The following BDP1 variants were observed in gnomAD, a reference collection of about 807,000 sequenced individuals.
BDP1 encodes transcription factor TFIIIB component B'' homolog.
A neutral mutation model predicts 266.6 loss-of-function variants in BDP1; 169 were observed. That is an observed-to-expected ratio of 0.63 (90% confidence interval 0.56 to 0.72). BDP1 has a LOEUF of 0.72. Among genes scored for constraint, BDP1 ranks in the 30% least tolerant of loss-of-function variants. The pLI, the probability that BDP1 is intolerant of heterozygous loss-of-function variation, is 0.00. For synonymous variants in BDP1, 1,090 were observed against 1,022.4 expected, an observed-to-expected ratio of 1.07 and a Z score of -1.26; for missense variants, 3,015 against 3,053.8, an observed-to-expected ratio of 0.99 and a Z score of 0.30.
At chr5:71,478,659 A>ATT (rs200511042) in intron 7 of BDP1, among the ~76,000 whole-genome samples, 1 of 145,902 alleles carries the variant, frequency 6.9e-6, no homozygotes, top group Admixed American at 6.9e-5. Flanking sequence ...TGTTTTCAGG[A>ATT]TTTTTTTTTT....
At chr5:71,561,045 T>C (rs944818359) in intron 37 of BDP1, among the ~76,000 whole-genome samples, 4 of 151,946 alleles carry the variant, frequency 2.6e-5, no homozygotes, top group African/African-American at 9.7e-5. Context: ...TGAGCTATGA[T>C]TGTGCCTGTG....
intron 38 of BDP1, chr5:71,562,904 T>C: frequency 7.8e-7 from 1 of 1,281,350 alleles, no homozygotes; most frequent in South Asian, 1.3e-5. Flanking sequence ...TGGCAAGTAT[T>C]GGGATGGAAA....
chr5:71,481,416 G>T (rs1468977287), intron 7 of BDP1, among the ~76,000 whole-genome samples: 1 of 86,546 alleles, frequency 1.2e-5, no homozygotes. Flanking sequence ...AAAAAAAAAA[G>T]CCAGGCTTGG....
At chr5:71,494,443 C>T (rs35420270) in intron 11 of BDP1, 67,608 of 152,038 alleles carry the variant, frequency 0.44, 15,412 homozygotes, top group South Asian at 0.55. Flanking sequence ...CTCACCTCAG[C>T]CTTCTGAGTA....
At chr5:71,550,477 C>CT (rs1407327274) in intron 34 of BDP1, among the ~76,000 whole-genome samples, 4 of 147,060 alleles carry the variant, frequency 2.7e-5, no homozygotes, top group African/African-American at 1.0e-4. Flanking sequence ...TTTTTTTTTT[C>CT]TTTTTTCAGA....
chr5:71,549,369 C>T (rs1742580770), intron 33 of BDP1, 51 bp from the exon 34 acceptor site: 4 of 1,349,240 alleles, frequency 3.0e-6, no homozygotes, highest in Non-Finnish European at 4.1e-6. Flanking sequence ...TAATGATACT[C>T]TGTTATTTCA....
chr5:71,511,269 A>T (rs1015843333), intron 17 of BDP1, 118 bp downstream of exon 17: 18 of 973,608 alleles, frequency 1.8e-5, no homozygotes, highest in Non-Finnish European at 6.1e-6. Context: ...AAAAGTCTAA[A>T]GTCTTTTGTA....
At chr5:71,546,640 A>C (rs1280131163) in intron 32 of BDP1, among the ~76,000 whole-genome samples, 2 of 150,956 alleles carry the variant, frequency 1.3e-5, no homozygotes, top group South Asian at 2.1e-4. Context: ...AAAAAAAAAA[A>C]AAAAACCAAA....
At chr5:71,562,694 G>A in intron 38 of BDP1, 174 bp downstream of exon 38, 1 of 1,492,332 alleles carries the variant, frequency 6.7e-7, no homozygotes, top group Non-Finnish European at 9.0e-7. Flanking sequence ...AAGGTGTTGA[G>A]TCAGGAAGTT....
At chr5:71,494,273 A>G (rs1249225172) in intron 11 of BDP1, among the ~76,000 whole-genome samples, 4 of 152,246 alleles carry the variant, frequency 2.6e-5, no homozygotes, top group Non-Finnish European at 4.4e-5. Flanking sequence ...GTATGGCTAA[A>G]TGTGAATATG....
chr5:71,478,347 A>G (rs116374694), intron 7 of BDP1, among the ~76,000 whole-genome samples: 1,641 of 152,336 alleles, frequency 0.011, 29 homozygotes, highest in African/African-American at 0.035. Context: ...TCAAGTAGAA[A>G]AAAGCTAGTT....
chr5:71,523,642 C>T (rs1055172484), intron 24 of BDP1, among the ~76,000 whole-genome samples: 7 of 152,228 alleles, frequency 4.6e-5, no homozygotes, highest in African/African-American at 1.4e-4. Flanking sequence ...CCTTTTTCTT[C>T]TAATAATTTT....
Position 71,566,914 on chromosome 5 carries a change from A to G in BDP1, c.*2029A>G, listed in dbSNP as rs891594678. On this transcript the variant is annotated 3_prime_UTR_variant, in exon 39 of 39. Coordinates refer to ENST00000358731, the MANE Select transcript of BDP1 (RefSeq NM_018429.3). ...GCCAGTTTTTAAGTTCCTTAATAGA[A>G]GAGAATTATGTCTCAGCACATATAA... 9 of 152,230 alleles carry G rather than the reference A, an allele frequency of 5.9e-5. No individual in the cohort carries two copies. Among genetic ancestry groups the G allele is most frequent in the African/African-American group, 2.2e-4 (9 of 41,470 alleles). The allele number at this position is 152,230 out of a possible 1,614,324, so 9.4% of individuals were successfully genotyped here. A position where few individuals can be genotyped will look rare whatever the true frequency, so the allele number is the denominator to read the frequency against.
rs1198191823 is a variant in BDP1 at position 71,456,076 on chromosome 5, G to A, written c.199G>A (p.Ala67Thr). ...CGGTGGAGCGGAGCCCCAAGAAAAG[G>A]CTCCTAGGAGCAGGTAAGAGGTTGC... ...DFGGAEPQEK[A>T]PRSSTEKTGG... Residue 67 changes from alanine to threonine, a missense_variant, in exon 1 of 39, where the codon GCT becomes ACT. Coordinates refer to ENST00000358731, the MANE Select transcript of BDP1 (RefSeq NM_018429.3). The A allele has an allele frequency of 6.2e-7, 1 of 1,613,034 alleles. No homozygotes were observed. Among genetic ancestry groups the A allele is most frequent in the Non-Finnish European group, 8.5e-7 (1 of 1,179,958 alleles).
At chr5:71,523,771 T>A (rs1182064371) in intron 24 of BDP1, among the ~76,000 whole-genome samples, 168 bp from the exon 25 acceptor site, 2 of 152,204 alleles carry the variant, frequency 1.3e-5, no homozygotes, top group African/African-American at 4.8e-5. Flanking sequence ...AGTGAGAAAC[T>A]AGTAGTTAAT....
chr5:71,474,041 C>T (rs532590677), intron 7 of BDP1, among the ~76,000 whole-genome samples: 7 of 151,774 alleles, frequency 4.6e-5, no homozygotes, highest in Admixed American at 1.3e-4. Flanking sequence ...AGTGCAGTGG[C>T]GGATCTCGGC....
intron 31 of BDP1, 59 bp downstream of exon 31, chr5:71,544,566 T>C: frequency 8.5e-6 from 13 of 1,533,992 alleles, no homozygotes; most frequent in Non-Finnish European, 1.1e-5. Flanking sequence ...TAGCCTTAAG[T>C]TGTGGCTGTA....
the BDP1 span, among the ~76,000 whole-genome samples, chr5:71,574,190 G>A: frequency 6.6e-6 from 1 of 152,132 alleles, no homozygotes; most frequent in African/African-American, 2.4e-5. Flanking sequence ...TATAATTGTG[G>A]AAAAACTGGA....
chr5:71,531,476 G>T (rs1766242160), intron 25 of BDP1, among the ~76,000 whole-genome samples: 1 of 152,024 alleles, frequency 6.6e-6, no homozygotes, highest in African/African-American at 2.4e-5. Flanking sequence ...GGGAGTTGGT[G>T]TGGGGGCAGT....
Sources: gnomAD v4.1 joint callset for allele counts (sites outside exome capture counted in the v4.1 genomes callset) on GRCh38, gnomAD v4.1.1 for gene constraint, MANE v1.5 for transcripts, NCBI Gene and HGNC (gene_info 2026-07-23, HGNC 2026-07-21) for gene names.